Variants in CLRN1 observed in about 807,000 individuals in gnomAD.
CLRN1 encodes clarin-1.
In CLRN1, 15 loss-of-function variants were observed where a neutral mutation model predicts 18.7. The observed-to-expected ratio is 0.80, with a 90% CI of 0.54 to 1.23. The LOEUF (loss-of-function observed/expected upper bound fraction) is 1.23. Ranked by LOEUF, CLRN1 falls within the 50% of genes most tolerant of loss-of-function variation. The probability of loss-of-function intolerance (pLI) is 0.00; values close to 1 mark genes in which losing one functional copy is unlikely to be tolerated. For synonymous variants in CLRN1, 104 were observed against 102.9 expected (o/e 1.01, Z -0.07); for missense variants, 311 against 277.5 (o/e 1.12, Z -0.86).
At chr3:150,935,640 A>G (rs1164996852) in intron 2 of CLRN1, among the ~76,000 whole-genome samples, 1 of 151,188 alleles carries the variant, frequency 6.6e-6, no homozygotes, top group African/African-American at 2.4e-5. Flanking sequence ...CATGATTTAT[A>G]GTCCTTTGGG....
At chr3:150,933,009 G>A (rs1305460371) in intron 2 of CLRN1, among the ~76,000 whole-genome samples, 1 of 152,154 alleles carries the variant, frequency 6.6e-6, no homozygotes, top group African/African-American at 2.4e-5. Context: ...ATATTATTGA[G>A]AAGGATGATT....
intron 1 of CLRN1, among the ~76,000 whole-genome samples, chr3:150,947,572 A>AC (rs1488921329): frequency 2.0e-5 from 3 of 152,024 alleles, no homozygotes; most frequent in African/African-American, 7.2e-5. Flanking sequence ...CCTCTACAGA[A>AC]CTCTGTACCC....
chr3:150,957,899 G>C (rs962275669), intron 1 of CLRN1, among the ~76,000 whole-genome samples: 6 of 152,010 alleles, frequency 3.9e-5, no homozygotes, highest in African/African-American at 1.4e-4. Context: ...TCTTGTTTGT[G>C]ATCTACCCAC....
chr3:150,944,508 G>A lies in CLRN1; in HGVS notation c.254-2747C>T, dbSNP rs191293662. On this transcript the variant is annotated intron_variant, in intron 1 of 2. Coordinates refer to ENST00000327047, the MANE Select transcript of CLRN1 (RefSeq NM_174878.3). ...ATGGGGGCTGGCCTACGGTGGGAGA[G>A]GTTGTCAGATTTGGGATACATTTTG... 2.9e-3 allele frequency among the ~76,000 whole-genome samples: 440 copies of A among 151,826 alleles called. 2 individuals carry two copies. The highest frequency in any genetic ancestry group is 0.01 in the African/African-American group (421 of 41,328).
chr3:150,928,525 T>C lies in CLRN1; in HGVS notation c.434-324A>G, dbSNP rs12107197. 0.075 allele frequency among the ~76,000 whole-genome samples: 11,416 copies of C among 152,230 alleles called. 616 individuals are homozygous for C. The highest frequency in any genetic ancestry group is 0.15 in the African/African-American group (6,074 of 41,514). The stretch of plus-strand genomic sequence containing the variant: ...TTGCATGATGTGAAGGCTGAATTGC[T>C]AGGCACTTTAAAGGCATAATGGTGG... On this transcript the variant is annotated intron_variant, in intron 2 of 2. Coordinates refer to ENST00000327047, the MANE Select transcript of CLRN1 (RefSeq NM_174878.3).
At chr3:150,949,450 T>TA (rs1173462814) in intron 1 of CLRN1, among the ~76,000 whole-genome samples, 11 of 152,078 alleles carry the variant, frequency 7.2e-5, no homozygotes, top group African/African-American at 2.7e-4. Flanking sequence ...ATTCTATATC[T>TA]AAAAAACCCC....
Position 150,927,724 on chromosome 3 carries a change from C to A in CLRN1, c.*212G>T, listed in dbSNP as rs1486189298. Reference sequence around the variant, plus strand: ...ACTGCCTTTGACTACCTGGGTCAAGCAATTTCCCACCAGATAAAACAACTT... The same window carrying A: ...ACTGCCTTTGACTACCTGGGTCAAGAAATTTCCCACCAGATAAAACAACTT... On this transcript the variant is annotated 3_prime_UTR_variant, in exon 3 of 3. Coordinates refer to ENST00000327047, the MANE Select transcript of CLRN1 (RefSeq NM_174878.3). The A allele has an allele frequency of 1.4e-6, 1 of 708,186 alleles. No homozygotes were observed. Among genetic ancestry groups the A allele is most frequent in the South Asian group, 1.5e-5 (1 of 67,122 alleles). The allele number at this position is 708,186 out of a possible 1,614,324, so 43.9% of individuals were successfully genotyped here. A position where few individuals can be genotyped will look rare whatever the true frequency, so the allele number is the denominator to read the frequency against.
intron 1 of CLRN1, chr3:150,943,902 T>C: frequency 6.2e-7 from 1 of 1,613,718 alleles, no homozygotes; most frequent in Non-Finnish European, 8.5e-7. Flanking sequence ...CGTTCACTCG[T>C]GTGCTCCCTC....
At chr3:150,972,334 T>A (rs954592151) in intron 1 of CLRN1, 122 bp downstream of exon 1, 1 of 1,257,100 alleles carries the variant, frequency 8.0e-7, no homozygotes, top group Non-Finnish European at 1.1e-6. Flanking sequence ...GTTTTTCATA[T>A]GGTTCACACC....
chr3:150,965,451 A>G (rs1715218150), intron 1 of CLRN1, among the ~76,000 whole-genome samples: 1 of 152,226 alleles, frequency 6.6e-6, no homozygotes, highest in African/African-American at 2.4e-5. Flanking sequence ...TAGTAATTCA[A>G]TATTAATGAG....
intron 2 of CLRN1, among the ~76,000 whole-genome samples, chr3:150,936,084 A>G: frequency 6.6e-6 from 1 of 151,786 alleles, no homozygotes; most frequent in East Asian, 1.9e-4. Flanking sequence ...ATTTTCTTCC[A>G]TTTTGTGGGT....
At chr3:150,953,883 T>G (rs1714610920) in intron 1 of CLRN1, among the ~76,000 whole-genome samples, 2 of 152,210 alleles carry the variant, frequency 1.3e-5, no homozygotes, top group Non-Finnish European at 2.9e-5. Flanking sequence ...GAAGGTATTA[T>G]TTTATCCTTA....
At chr3:150,958,907 T>C (rs1714888064) in intron 1 of CLRN1, among the ~76,000 whole-genome samples, 1 of 152,218 alleles carries the variant, frequency 6.6e-6, no homozygotes, top group South Asian at 2.1e-4. Flanking sequence ...TAATTGCCAG[T>C]GTGACAGCCT....
chr3:150,941,178 CAT>C (rs57988194), intron 2 of CLRN1, among the ~76,000 whole-genome samples: 59 of 132,760 alleles, frequency 4.4e-4, no homozygotes, highest in Middle Eastern at 4.3e-3. Context: ...CTATCTCTTT[CAT>C]ATATATATAT....
At chr3:150,949,445 A>G (rs1306719738) in intron 1 of CLRN1, among the ~76,000 whole-genome samples, 1 of 152,194 alleles carries the variant, frequency 6.6e-6, no homozygotes, top group Non-Finnish European at 1.5e-5. Flanking sequence ...ACATGATTCT[A>G]TATCTAAAAA....
chr3:150,936,116 T>C (rs2107940962), intron 2 of CLRN1, among the ~76,000 whole-genome samples: 1 of 152,226 alleles, frequency 6.6e-6, no homozygotes, highest in East Asian at 1.9e-4. Flanking sequence ...TCTGATTCTT[T>C]TGCTGTGCAG....
chr3:150,948,634 A>G (rs908321627), intron 1 of CLRN1, among the ~76,000 whole-genome samples: 2 of 152,120 alleles, frequency 1.3e-5, no homozygotes, highest in South Asian at 2.1e-4. Context: ...TCCTGGATAC[A>G]TACACCTTCC....
At chr3:150,932,774 G>T (rs1713229783) in intron 2 of CLRN1, among the ~76,000 whole-genome samples, 1 of 152,170 alleles carries the variant, frequency 6.6e-6, no homozygotes, top group African/African-American at 2.4e-5. Context: ...ACTCTACACT[G>T]CTCCAGAGAC....
intron 2 of CLRN1, 142 bp from the exon 3 acceptor site, chr3:150,928,343 A>T: frequency 9.4e-7 from 1 of 1,065,414 alleles, no homozygotes; most frequent in Non-Finnish European, 1.4e-6. Flanking sequence ...GCATATTTGT[A>T]ATCATGAGCC....
Sources: gnomAD v4.1 joint callset for allele counts (sites outside exome capture counted in the v4.1 genomes callset) on GRCh38, gnomAD v4.1.1 for gene constraint, MANE v1.5 for transcripts, NCBI Gene and HGNC (gene_info 2026-07-23, HGNC 2026-07-21) for gene names.